RPS6KA2: variants seen among roughly 807,000 people sequenced by gnomAD.
RPS6KA2 encodes the protein ribosomal protein S6 kinase alpha-2.
Under a neutral mutation model 91.8 loss-of-function variants are expected in RPS6KA2, and 42 were observed. The observed-to-expected ratio is 0.46, with a 90% CI of 0.36 to 0.59. The LOEUF (loss-of-function observed/expected upper bound fraction) is 0.59, where lower values mean the gene tolerates loss of function less well. Ranked by LOEUF, RPS6KA2 falls within the 20% of genes least tolerant of loss-of-function variation. The pLI is 0.00. For missense variants in RPS6KA2, 798 were observed against 978.5 expected, an observed-to-expected ratio of 0.82 and a Z score of 2.46; for synonymous variants, 414 against 393.6, an observed-to-expected ratio of 1.05 and a Z score of -0.61.
chr6:166,673,942 A>G (rs903198504), intron 2 of RPS6KA2, among the ~76,000 whole-genome samples: 2 of 152,244 alleles, frequency 1.3e-5, no homozygotes, highest in African/African-American at 4.8e-5. Flanking sequence ...ATAAATATAC[A>G]TAAAGAGCCA....
chr6:166,625,323 A>AAC (rs1562349919), intron 1 of RPS6KA2, among the ~76,000 whole-genome samples: 1 of 30,348 alleles, frequency 3.3e-5, no homozygotes. Context: ...TATTCCCACC[A>AAC]CCCCCCCACC....
intron 1 of RPS6KA2, among the ~76,000 whole-genome samples, chr6:166,552,334 C>A (rs568660197): frequency 6.6e-6 from 1 of 152,300 alleles, no homozygotes; most frequent in Non-Finnish European, 1.5e-5. Context: ...TGGTTTAGAG[C>A]GGTGCTTGGC....
chr6:166,543,829 G>A (rs1032308327), intron 1 of RPS6KA2, among the ~76,000 whole-genome samples: 3 of 152,192 alleles, frequency 2.0e-5, no homozygotes, highest in African/African-American at 7.2e-5. Flanking sequence ...GTGCACGTGT[G>A]TGTGCGCATG....
chr6:166,636,892 GC>G lies in RPS6KA2; in HGVS notation c.124-98109del, dbSNP rs1183456905. ...AGTTTGAAAATTTCAAGGACAAATA[GC>G]TATAGGCCAATTTTTAAAAAAAAGT... On this transcript the variant is annotated intron_variant, in intron 2 of 21. Coordinates refer to the RPS6KA2 transcript ENST00000503859. Among the ~76,000 whole-genome samples, 17 of 152,320 alleles carry G rather than the reference GC, an allele frequency of 1.1e-4. No homozygotes were observed. The East Asian group carries it at 3.3e-3, about 29-fold the overall frequency.
chr6:166,666,227 G>A lies in RPS6KA2; in HGVS notation c.124-127443C>T, dbSNP rs1788311480. ...CTAGTGAGTGCTCTGCTGTGCATCA[G>A]AGAGAGGGGGCGGGACTGGCATCTT... On this transcript the variant is annotated intron_variant, in intron 2 of 21. Coordinates refer to the RPS6KA2 transcript ENST00000503859. The surrounding 1 kb of genome is among the most constrained non-coding windows in gnomAD (Gnocchi z 4.0). Among the ~76,000 whole-genome samples the A allele has an allele frequency of 6.6e-6, 1 of 152,198 alleles. No individual in the cohort carries two copies. The highest frequency in any genetic ancestry group is 2.4e-5 in the African/African-American group (1 of 41,448).
intron 12 of RPS6KA2, among the ~76,000 whole-genome samples, chr6:166,455,416 C>T (rs1391044325): frequency 2.0e-5 from 3 of 152,094 alleles, no homozygotes; most frequent in Admixed American, 6.5e-5. Flanking sequence ...GTCATGGACC[C>T]GGGCTCATCT....
At chr6:166,488,086 G>A (rs1042229876) in intron 10 of RPS6KA2, among the ~76,000 whole-genome samples, 3 of 140,238 alleles carry the variant, frequency 2.1e-5, no homozygotes, top group Non-Finnish European at 4.8e-5. Flanking sequence ...TGAGGTTAGA[G>A]TTTAAAAAAA....
chr6:166,625,937 G>C (rs549715126), intron 1 of RPS6KA2, among the ~76,000 whole-genome samples: 1 of 152,290 alleles, frequency 6.6e-6, no homozygotes, highest in East Asian at 1.9e-4. Flanking sequence ...ACCCATGTCT[G>C]TGTCTAATAT....
chr6:166,663,293 C>T (rs1054539476), intron 2 of RPS6KA2, among the ~76,000 whole-genome samples: 1 of 152,156 alleles, frequency 6.6e-6, no homozygotes, highest in Non-Finnish European at 1.5e-5. Flanking sequence ...TACCCAAGGG[C>T]TATTAAATGC....
chr6:166,523,874 G>T (rs1782936058), intron 3 of RPS6KA2, among the ~76,000 whole-genome samples: 1 of 152,184 alleles, frequency 6.6e-6, no homozygotes, highest in Non-Finnish European at 1.5e-5. Flanking sequence ...CTCCGAGGAG[G>T]TTCTATTTCA....
Position 166,662,350 on chromosome 6 carries a change from AT to A in RPS6KA2, c.124-123567del, listed in dbSNP as rs1189732011. On this transcript the variant is annotated intron_variant, in intron 2 of 21. Coordinates refer to the RPS6KA2 transcript ENST00000503859. The surrounding 1 kb of genome is among the most constrained non-coding windows in gnomAD (Gnocchi z 4.3). ...CTATCCATTGGCAGGCAAAGGACGT[AT>A]TTGATGCAGGGGTGGTAAGAGATGG... Among the ~76,000 whole-genome samples, 3 of 152,170 alleles carry A rather than the reference AT, an allele frequency of 2.0e-5. No individual in the cohort carries two copies. Among genetic ancestry groups the A allele is most frequent in the Non-Finnish European group, 2.9e-5 (2 of 68,040 alleles).
Position 166,726,129 on chromosome 6 carries a change from ATTTT to A in RPS6KA2, c.123+132067_123+132070del, listed in dbSNP as rs3071135. Among the ~76,000 whole-genome samples, 23 of 148,200 alleles carry A rather than the reference ATTTT, an allele frequency of 1.6e-4. No homozygotes were observed. The highest frequency in any genetic ancestry group is 2.7e-4 in the Admixed American group (4 of 14,868). Reference sequence around the variant, plus strand: ...ATGCCCTTAGGCTACAATATAGAAGATTTTTTTTTTTTTTTAGTTTAAAATCTTA... The same window carrying A: ...ATGCCCTTAGGCTACAATATAGAAGATTTTTTTTTTTAGTTTAAAATCTTA... On this transcript the variant is annotated intron_variant, in intron 2 of 21. Coordinates refer to the RPS6KA2 transcript ENST00000503859. This position sits in a 1 kb window ranked among gnomAD's most constrained non-coding sequence, Gnocchi z 4.4.
At chr6:166,756,518 AT>A (rs1466371399) in intron 2 of RPS6KA2, among the ~76,000 whole-genome samples, 1 of 152,220 alleles carries the variant, frequency 6.6e-6, no homozygotes, top group Non-Finnish European at 1.5e-5. Context: ...CTGATTACAT[AT>A]GATTATAAAC....
At position 166,668,820 on chromosome 6, in the gene RPS6KA2, ATCCC is replaced by A. The variant is rs1230281656; in HGVS notation, c.124-130040_124-130037del. 1.5e-4 allele frequency among the ~76,000 whole-genome samples: 19 copies of A among 129,284 alleles called. No homozygotes were observed. In the Middle Eastern group the frequency reaches 0.012, roughly 80 times the overall value. The allele number at this position is 129,284 out of a possible 152,430, so 84.8% of individuals were successfully genotyped here. ...CTTTTCCTTTTCTTTCCTTCCCTCCATCCCTCCCTCCCTCCCTCCTCCATCCCTC... is the reference window on the plus strand; with the variant it reads ...CTTTTCCTTTTCTTTCCTTCCCTCCATCCCTCCCTCCCTCCTCCATCCCTC... On this transcript the variant is annotated intron_variant, in intron 2 of 21. Transcript: ENST00000503859.
intron 1 of RPS6KA2, among the ~76,000 whole-genome samples, chr6:166,594,441 CT>C (rs1785463918): frequency 6.6e-6 from 1 of 152,114 alleles, no homozygotes; most frequent in South Asian, 2.1e-4. Context: ...AAACAAAAAA[CT>C]TGTCTGTCCA....
rs1788279801 is a variant in RPS6KA2 at position 166,665,160 on chromosome 6, A to G, written c.124-126376T>C. 6.6e-6 allele frequency among the ~76,000 whole-genome samples: 1 copy of G among 151,426 alleles called. No homozygotes were observed. Among genetic ancestry groups the G allele is most frequent in the Non-Finnish European group, 1.5e-5 (1 of 67,984 alleles). On this transcript the variant is annotated intron_variant, in intron 2 of 21. Transcript: ENST00000503859. The surrounding 1 kb of genome is among the most constrained non-coding windows in gnomAD (Gnocchi z 4.5). ...TCAGGGTGTTCAAGTTCTGCCTTCC[A>G]TACAGAACAACATCTGCAGGGCTCA...
intron 2 of RPS6KA2, among the ~76,000 whole-genome samples, chr6:166,670,033 A>G (rs12195175): frequency 0.18 from 27,317 of 152,296 alleles, 2,477 homozygotes; most frequent in South Asian, 0.23. Context: ...TCCAGAGATG[A>G]GGGCACTCAG....
chr6:166,465,993 G>T (rs1780507306), intron 11 of RPS6KA2, among the ~76,000 whole-genome samples: 1 of 152,238 alleles, frequency 6.6e-6, no homozygotes, highest in Non-Finnish European at 1.5e-5. Context: ...CTCTAGCACT[G>T]CTGCCTGCCT....
chr6:166,602,419 C>T (rs528195110), intron 1 of RPS6KA2, among the ~76,000 whole-genome samples: 1 of 152,204 alleles, frequency 6.6e-6, no homozygotes, highest in African/African-American at 2.4e-5. Context: ...TGCACAAGAT[C>T]ATTCATGGCA....
Sources: allele counts gnomAD v4.1 joint callset (sites outside exome capture counted in the v4.1 genomes callset), GRCh38; gene constraint gnomAD v4.1.1; non-coding constraint Gnocchi (gnomAD v3.1); transcripts MANE v1.5; gene names NCBI Gene and HGNC (gene_info 2026-07-23, HGNC 2026-07-21).